Variants in MINDY4 observed in about 807,000 individuals in gnomAD.
The protein encoded by MINDY4 is MINDY lysine 48 deubiquitinase 4.
In MINDY4, 68 loss-of-function variants were observed where a neutral mutation model predicts 87.0. That is an observed-to-expected ratio of 0.78 (90% CI 0.64 to 0.96). The LOEUF is 0.96. Ranked by LOEUF, MINDY4 falls within the 40% of genes least tolerant of loss-of-function variation. The pLI, the probability that MINDY4 is intolerant of heterozygous loss-of-function variation, is 0.00. For synonymous variants in MINDY4, 379 were observed against 363.2 expected, an observed-to-expected ratio of 1.04 and a Z score of -0.50; for missense variants, 919 against 928.2, an observed-to-expected ratio of 0.99 and a Z score of 0.13.
chr7:30,792,788 T>TA (rs1787364103), intron 5 of MINDY4, among the ~76,000 whole-genome samples: 1 of 152,140 alleles, frequency 6.6e-6, no homozygotes, highest in Admixed American at 6.5e-5. Flanking sequence ...TTGTGTAATA[T>TA]ACTCAAAGAA....
chr7:30,850,418 A>C (rs1789377233), intron 9 of MINDY4, 36 bp from the exon 10 acceptor site: 1 of 1,574,866 alleles, frequency 6.3e-7, no homozygotes. Flanking sequence ...CCTTGTGTCC[A>C]CATGGGCATA....
intron 9 of MINDY4, among the ~76,000 whole-genome samples, chr7:30,846,167 T>C (rs1789210425): frequency 1.3e-5 from 2 of 152,178 alleles, no homozygotes. Flanking sequence ...GCAGAACCTA[T>C]GGTCCTGCAG....
At chr7:30,838,217 C>T (rs1210503214) in intron 7 of MINDY4, among the ~76,000 whole-genome samples, 1 of 152,118 alleles carries the variant, frequency 6.6e-6, no homozygotes, top group Non-Finnish European at 1.5e-5. Context: ...ATTGACCATT[C>T]TGGGGGCTCT....
intron 16 of MINDY4, 133 bp from the exon 17 acceptor site, chr7:30,882,788 G>T: frequency 2.7e-6 from 2 of 740,772 alleles, no homozygotes; most frequent in South Asian, 1.7e-5. Flanking sequence ...TCAGGGATGA[G>T]GGTGGGTCCA....
chr7:30,872,327 C>T (rs1016098814), intron 14 of MINDY4, 21 bp downstream of exon 14: 34 of 1,612,226 alleles, frequency 2.1e-5, no homozygotes, highest in Non-Finnish European at 2.9e-5. Flanking sequence ...GCTGTGGGGC[C>T]CAGGTGGTCC....
chr7:30,815,522 G>T (rs1788121647), intron 5 of MINDY4, among the ~76,000 whole-genome samples: 1 of 152,198 alleles, frequency 6.6e-6, no homozygotes, highest in Non-Finnish European at 1.5e-5. Context: ...GTAGCCACGG[G>T]CTAGTGTGCA....
intron 1 of MINDY4, among the ~76,000 whole-genome samples, chr7:30,773,796 C>G (rs575401455): frequency 6.6e-6 from 1 of 152,176 alleles, no homozygotes; most frequent in Non-Finnish European, 1.5e-5. Context: ...CATAGCCCCA[C>G]GTAAACTCTT....
Position 30,850,161 on chromosome 7 carries a change from C to T in MINDY4, c.1446-293C>T, listed in dbSNP as rs183385657. ...CACTTTCTCTCACACACTTCTGGGC[C>T]CCACCAAGCCTGCAGAGCCCTCTTT... On this transcript the variant is annotated intron_variant, in intron 9 of 17. Coordinates refer to ENST00000265299, the MANE Select transcript of MINDY4 (RefSeq NM_032222.3). Among the ~76,000 whole-genome samples the T allele has an allele frequency of 2.0e-5, 3 of 152,328 alleles. No individual in the cohort carries two copies. In the East Asian group the frequency reaches 5.8e-4, roughly 29 times the overall value.
chr7:30,838,231 G>A (rs1788922528), intron 7 of MINDY4, among the ~76,000 whole-genome samples: 1 of 152,176 alleles, frequency 6.6e-6, no homozygotes, highest in African/African-American at 2.4e-5. Context: ...GGGCTCTGGA[G>A]GGTGATGCGT....
At chr7:30,884,934 C>G (rs1250320831) in intron 17 of MINDY4, among the ~76,000 whole-genome samples, 1 of 152,194 alleles carries the variant, frequency 6.6e-6, no homozygotes, top group African/African-American at 2.4e-5. Flanking sequence ...CCAAAACTTC[C>G]TTCCCCTGCC....
chr7:30,829,197 C>T (rs1788619730), intron 6 of MINDY4, among the ~76,000 whole-genome samples: 1 of 152,234 alleles, frequency 6.6e-6, no homozygotes, highest in African/African-American at 2.4e-5. Flanking sequence ...CCCTGGTCTG[C>T]ATCTTCACTT....
intron 1 of MINDY4, among the ~76,000 whole-genome samples, chr7:30,775,801 G>T (rs988641107): frequency 6.6e-6 from 1 of 152,164 alleles, no homozygotes; most frequent in Non-Finnish European, 1.5e-5. Flanking sequence ...CTGGGACACA[G>T]AACAAATATA....
intron 15 of MINDY4, among the ~76,000 whole-genome samples, chr7:30,880,686 T>C (rs1790438695): frequency 6.6e-6 from 1 of 152,178 alleles, no homozygotes; most frequent in African/African-American, 2.4e-5. Flanking sequence ...ACGTGGGGTT[T>C]AGGCACGTCC....
chr7:30,824,170 T>A (rs938717764), intron 5 of MINDY4, among the ~76,000 whole-genome samples: 4 of 152,166 alleles, frequency 2.6e-5, no homozygotes, highest in Admixed American at 2.6e-4. Flanking sequence ...GGATGGGAGG[T>A]CACATCTAAT....
intron 17 of MINDY4, among the ~76,000 whole-genome samples, chr7:30,884,512 C>T (rs1027298580): frequency 2.6e-5 from 4 of 152,312 alleles, no homozygotes; most frequent in South Asian, 2.1e-4. Flanking sequence ...TACAGGACAG[C>T]GTGGGAGGCC....
At chr7:30,886,739 C>T (rs1186099598) in intron 17 of MINDY4, among the ~76,000 whole-genome samples, 1 of 152,176 alleles carries the variant, frequency 6.6e-6, no homozygotes, top group African/African-American at 2.4e-5. Context: ...TCAAACCATC[C>T]CAGACCCCAT....
At chr7:30,887,214 C>T (rs970035063) in intron 17 of MINDY4, among the ~76,000 whole-genome samples, 2 of 152,154 alleles carry the variant, frequency 1.3e-5, no homozygotes, top group East Asian at 1.9e-4. Flanking sequence ...CAGTGCCTCC[C>T]ACCCATCGGA....
chr7:30,884,996 G>A (rs1048668932), intron 17 of MINDY4, among the ~76,000 whole-genome samples: 1 of 152,238 alleles, frequency 6.6e-6, no homozygotes, highest in Non-Finnish European at 1.5e-5. Context: ...AAGCAGAGAG[G>A]CTGCATGATT....
chr7:30,791,694 C>G, intron 5 of MINDY4, 120 bp downstream of exon 5: 2 of 1,106,848 alleles, frequency 1.8e-6, no homozygotes, highest in Non-Finnish European at 2.5e-6. Flanking sequence ...CAGAACAAGC[C>G]TGCGAAGTAA....
Sources: gnomAD v4.1 joint callset for allele counts (sites outside exome capture counted in the v4.1 genomes callset) on GRCh38, gnomAD v4.1.1 for gene constraint, MANE v1.5 for transcripts, NCBI Gene and HGNC (gene_info 2026-07-23, HGNC 2026-07-21) for gene names.